The following STS variants were observed in gnomAD, a reference collection of about 807,000 sequenced individuals.
STS encodes steryl-sulfatase.
A neutral mutation model predicts 26.8 loss-of-function variants in STS; 7 were observed. The observed-to-expected ratio is 0.26, with a 90% CI of 0.15 to 0.49. The LOEUF (loss-of-function observed/expected upper bound fraction) is 0.49, where lower values mean the gene tolerates loss of function less well. Among genes scored for constraint, STS ranks in the 20% least tolerant of loss-of-function variants. The probability of loss-of-function intolerance (pLI) is 0.98; values close to 1 mark genes in which losing one functional copy is unlikely to be tolerated. For missense variants in STS, 434 were observed against 465.6 expected, an observed-to-expected ratio of 0.93 and a Z score of 0.63; for synonymous variants, 199 against 189.4, an observed-to-expected ratio of 1.05 and a Z score of -0.42.
intron 1 of STS, 77 bp downstream of exon 1, chrX:7,148,160 G>T: frequency 3.2e-6 from 3 of 925,758 alleles, no homozygotes; most frequent in Non-Finnish European, 4.4e-6. Flanking sequence ...AAGTGCGCGC[G>T]CACCCGCCCG....
intron 1 of STS, among the ~76,000 whole-genome samples, chrX:7,149,271 G>A (rs1199439550): frequency 1.8e-5 from 2 of 111,209 alleles, no homozygotes; most frequent in African/African-American, 3.3e-5. Context: ...GTGTAAACAT[G>A]AGAGTGTATT....
intron 8 of STS, among the ~76,000 whole-genome samples, chrX:7,317,815 G>A (rs778061518): frequency 2.6e-4 from 29 of 110,982 alleles, no homozygotes; most frequent in African/African-American, 9.5e-4. Flanking sequence ...TTTCTGTAGG[G>A]CAAGGTCCCT....
At chrX:7,234,477 C>G (rs1922221741) in intron 2 of STS, among the ~76,000 whole-genome samples, 1 of 111,870 alleles carries the variant, frequency 8.9e-6, no homozygotes, top group African/African-American at 3.3e-5. Context: ...AATAGAGGGA[C>G]AGAGCAAATA....
intron 7 of STS, among the ~76,000 whole-genome samples, chrX:7,300,670 A>G (rs774275004): frequency 5.4e-5 from 6 of 111,524 alleles, no homozygotes; most frequent in Non-Finnish European, 1.1e-4. Context: ...AAGTTGAGCT[A>G]AATATTCTAC....
rs1360821543 is a variant in STS, at chrX:7,350,113, A to G, written c.1589A>G (p.Asp530Gly). The G allele has an allele frequency of 1.8e-5, 22 of 1,210,689 alleles. No individual in the cohort carries two copies. The highest frequency in any genetic ancestry group is 3.5e-5 in the African/African-American group (2 of 57,422). Residue 530 changes from aspartate to glycine, a missense_variant, in exon 11 of 11, where the codon GAC (aspartate) becomes GGC (glycine). By Grantham distance (94) the Asp-to-Gly change is moderately conservative. This residue lies in a region of STS where 205 missense variants were observed against 177.3 expected (regional missense o/e 1.16). Transcript: ENST00000674429. ...CTCAAAGTCATGCAGGAAGCTGCGG[A>G]CAGACACACCCAGACCCTGCCAGAG... ...EILKVMQEAA[D>G]RHTQTLPEVP...
chrX:7,319,404 A>G (rs935800149), intron 8 of STS, among the ~76,000 whole-genome samples: 88 of 109,842 alleles, frequency 8.0e-4, no homozygotes, highest in African/African-American at 2.8e-3. Flanking sequence ...CAAGCATCTC[A>G]CCTGCCTAGG....
chrX:7,320,111 ATAAG>A (rs1926948746), intron 8 of STS, among the ~76,000 whole-genome samples: 1 of 93,456 alleles, frequency 1.1e-5, no homozygotes, highest in African/African-American at 3.9e-5. Flanking sequence ...TGTATTTTAT[ATAAG>A]TATTATTTTA....
chrX:7,313,227 T>G (rs1926563906), intron 8 of STS, among the ~76,000 whole-genome samples: 1 of 112,449 alleles, frequency 8.9e-6, no homozygotes, highest in Admixed American at 9.4e-5. Context: ...TATATACTTT[T>G]TTTTCATGTG....
chrX:7,211,573 C>T (rs1342420360), intron 2 of STS, among the ~76,000 whole-genome samples: 2 of 112,138 alleles, frequency 1.8e-5, no homozygotes, highest in Admixed American at 9.5e-5. Flanking sequence ...ACTACTCCCA[C>T]GAATTTTTCT....
At chrX:7,212,819 G>A (rs1018645594) in intron 2 of STS, among the ~76,000 whole-genome samples, 1 of 112,119 alleles carries the variant, frequency 8.9e-6, no homozygotes, top group South Asian at 3.7e-4. Flanking sequence ...TTTTATGCTT[G>A]CTGTGTGTCT....
At position 7,147,932 on chromosome X, in the gene STS, G is replaced by A. The variant is rs772798149; in HGVS notation, c.-285G>A. ...CCGGGGGCAGAGCGCGCGGGAGCCC[G>A]AGCGTCCCTGCATGAACACCGCCCC... On this transcript the variant is annotated 5_prime_UTR_variant, in exon 1 of 11. Transcript: ENST00000674429. 15 of 527,390 alleles carry A rather than the reference G, an allele frequency of 2.8e-5. No individual in the cohort carries two copies. In the Admixed American group the frequency reaches 2.9e-4, roughly 10 times the overall value. The allele number at this position is 527,390 out of a possible 1,213,427, so 43.5% of individuals were successfully genotyped here. A position where few individuals can be genotyped will look rare whatever the true frequency, so the allele number is the denominator to read the frequency against.
At chrX:7,291,876 T>C (rs754615753) in intron 7 of STS, among the ~76,000 whole-genome samples, 13 of 112,222 alleles carry the variant, frequency 1.2e-4, no homozygotes, top group Non-Finnish European at 1.9e-4. Context: ...TTTAATCACT[T>C]GAAGGTGGAA....
In STS at chrX:7,259,772, G is replaced by T. The variant is rs1382685156; in HGVS notation, c.806G>T (p.Arg269Leu). 1 of 1,209,508 alleles carries T rather than the reference G, an allele frequency of 8.3e-7. No homozygotes were observed. Among genetic ancestry groups the T allele is most frequent in the African/African-American group, 1.7e-5 (1 of 57,774 alleles). ...LTVEAAQFIQRNTETPFLLVL... is the reference protein window; with the variant it reads ...LTVEAAQFIQLNTETPFLLVL... ...GTGGAGGCGGCCCAGTTCATACAGCGGTGGGTATTGCCTTGTCCTCTGATG... is the reference window on the plus strand; with the variant it reads ...GTGGAGGCGGCCCAGTTCATACAGCTGTGGGTATTGCCTTGTCCTCTGATG... Residue 269 changes from arginine (R) to leucine (L), a missense_variant and splice_region_variant, in exon 6 of 11, where the codon CGG becomes CTG. Around this residue, in one of 2 missense-constraint regions of STS, gnomAD observed 229 missense variants for 288.3 expected, o/e 0.79. Coordinates refer to ENST00000674429, the MANE Select transcript of STS (RefSeq NM_001320752.2).
At chrX:7,301,458 TAA>T (rs1925961034) in intron 7 of STS, among the ~76,000 whole-genome samples, 1 of 111,193 alleles carries the variant, frequency 9.0e-6, no homozygotes, top group African/African-American at 3.3e-5. Context: ...GAACAGAAAG[TAA>T]AGAGTGTTCA....
chrX:7,311,942 G>A lies in STS; in HGVS notation c.1081+6759G>A, dbSNP rs781765846. Among the ~76,000 whole-genome samples, 10 of 110,743 alleles carry A rather than the reference G, an allele frequency of 9.0e-5. No homozygotes were observed. In the East Asian group the frequency reaches 2.3e-3, roughly 26 times the overall value. ...CTCAGGAGGCTGAGGTAAGAGGATC[G>A]CTTGAGCCCAGGAAGTCGAGGCTGC... On this transcript the variant is annotated intron_variant, in intron 8 of 10. Coordinates refer to ENST00000674429, the MANE Select transcript of STS (RefSeq NM_001320752.2).
At chrX:7,278,293 G>T (rs1924636297) in intron 7 of STS, among the ~76,000 whole-genome samples, 1 of 112,053 alleles carries the variant, frequency 8.9e-6, no homozygotes, top group African/African-American at 3.2e-5. Context: ...CACAGGACGG[G>T]ACTGTTGGAT....
intron 2 of STS, among the ~76,000 whole-genome samples, chrX:7,231,924 A>T (rs754402848): frequency 9.3e-6 from 1 of 107,241 alleles, no homozygotes; most frequent in Non-Finnish European, 1.9e-5. Flanking sequence ...CCACTCACCC[A>T]TGACAATTAG....
rs1168421481 is a variant in STS, at chrX:7,190,992, C to G, written c.-21C>G. 1 of 751,620 alleles carries G rather than the reference C, an allele frequency of 1.3e-6. No homozygotes were observed. Among genetic ancestry groups the G allele is most frequent in the East Asian group, 1.5e-4 (1 of 6,547 alleles). The allele number at this position is 751,620 out of a possible 1,213,427, so 61.9% of individuals were successfully genotyped here. On this transcript the variant is annotated 5_prime_UTR_variant, in exon 2 of 11. Transcript: ENST00000674429. ...CCTGAGGACAATGGCGCAAGATCGT[C>G]TTCAGCTGTTCATAGCGTAAGTATG...
intron 2 of STS, among the ~76,000 whole-genome samples, chrX:7,218,215 T>C (rs1194839165): frequency 8.9e-6 from 1 of 112,592 alleles, no homozygotes; most frequent in Admixed American, 9.4e-5. Flanking sequence ...AAGCAGGGTA[T>C]TAGCGCACAG....
Sources: gnomAD v4.1 joint callset for allele counts (sites outside exome capture counted in the v4.1 genomes callset) on GRCh38, gnomAD v4.1.1 for gene constraint, gnomAD v4.1.1 regional missense constraint, MANE v1.5 for transcripts, NCBI Gene and HGNC (gene_info 2026-07-23, HGNC 2026-07-21) for gene names.